Variants in CRNKL1 observed in about 807,000 individuals in gnomAD.
The protein encoded by CRNKL1 is crooked neck pre-mRNA splicing factor 1.
In CRNKL1, 35 loss-of-function variants were observed where a neutral mutation model predicts 103.7. That is an observed-to-expected ratio of 0.34 (90% CI 0.26 to 0.45). CRNKL1 has a LOEUF of 0.45. Among genes scored for constraint, CRNKL1 ranks in the 20% least tolerant of loss-of-function variants. The probability of loss-of-function intolerance (pLI) is 1.00; values close to 1 mark genes in which losing one functional copy is unlikely to be tolerated. For missense variants in CRNKL1, 645 were observed against 836.0 expected (o/e 0.77, Z 2.82); for synonymous variants, 267 against 282.6 (o/e 0.94, Z 0.55).
chr20:20,038,373 C>T lies in CRNKL1; in HGVS notation c.1623G>A (p.Leu541=). The change falls in exon 12 of 14, where the codon TTG becomes TTA. Residue 541 remains leucine (L), a synonymous_variant. Coordinates refer to ENST00000536226, the MANE Select transcript of CRNKL1 (RefSeq NM_001278628.2). ...CCTTGACATGCTGCGTCCGTTGAAG[C>T]AACCGCCGGTAAAGGTTTCGTGTTC... The part of the protein sequence containing the change: ...TERTRNLYRR[L]LQRTQHVKVW... 1 of 1,551,788 alleles carries T rather than the reference C, an allele frequency of 6.4e-7. No individual in the cohort carries two copies. The highest frequency in any genetic ancestry group is 1.4e-5 in the African/African-American group (1 of 73,160).
intron 12 of CRNKL1, among the ~76,000 whole-genome samples, chr20:20,037,982 G>C (rs563294508): frequency 6.6e-6 from 1 of 151,958 alleles, no homozygotes; most frequent in South Asian, 2.1e-4. Context: ...AGCTACTCTG[G>C]AGGCTGAGGC....
intron 5 of CRNKL1, among the ~76,000 whole-genome samples, chr20:20,046,674 C>A (rs1024254205): frequency 1.3e-5 from 2 of 152,208 alleles, no homozygotes; most frequent in Non-Finnish European, 2.9e-5. Context: ...AGTGACTGGA[C>A]TGAGGCTGCC....
At chr20:20,036,900 A>G (rs1002061187) in intron 13 of CRNKL1, among the ~76,000 whole-genome samples, 1 of 152,184 alleles carries the variant, frequency 6.6e-6, no homozygotes, top group African/African-American at 2.4e-5. Context: ...TGAGTCTGCC[A>G]GGATGAGAGG....
Position 20,041,625 on chromosome 20 carries a change from C to A in CRNKL1, c.1165G>T (p.Asp389Tyr), listed in dbSNP as rs141858369. ...YALYEELEAK[D>Y]PERTRQVYQA... ...TACACCTGTCTTGTCCTCTCAGGATCCTGTATTAGGATAAGAAATTTTCAC... is the reference window on the plus strand; with the variant it reads ...TACACCTGTCTTGTCCTCTCAGGATACTGTATTAGGATAAGAAATTTTCAC... The change falls in exon 9 of 14, where the codon GAT (aspartate) becomes TAT (tyrosine). Residue 389 changes from aspartate to tyrosine, a missense_variant and splice_region_variant. By Grantham distance (160) the Asp-to-Tyr change is radical (BLOSUM62 -3). This residue lies in a region of CRNKL1 where 582 missense variants were observed against 707.7 expected (regional missense o/e 0.82). Coordinates refer to ENST00000536226, the MANE Select transcript of CRNKL1 (RefSeq NM_001278628.2). The A allele has an allele frequency of 1.1e-5, 18 of 1,610,902 alleles. No homozygotes were observed. In the Admixed American group the frequency reaches 1.5e-4, roughly 13 times the overall value.
At chr20:20,054,414 T>TACACACACACAC (rs371567134), upstream of CRNKL1, among the ~76,000 whole-genome samples, 10 of 151,478 alleles carry the variant, frequency 6.6e-5, no homozygotes, top group African/African-American at 1.9e-4. Flanking sequence ...TATATATATA[T>TACACACACACAC]ACACACACAC....
chr20:20,036,024 A>C lies in CRNKL1; in HGVS notation c.*171T>G. 1.5e-6 allele frequency: 1 copy of C among 663,462 alleles called. No homozygotes were observed. The highest frequency in any genetic ancestry group is 2.5e-5 in the South Asian group (1 of 39,688). The allele number at this position is 663,462 out of a possible 1,614,324, so 41.1% of individuals were successfully genotyped here. A position where few individuals can be genotyped will look rare whatever the true frequency, so the allele number is the denominator to read the frequency against. ...GCAGTTAAAAAAGTCCTTTACTTGCAATCCCTACCCCTAGCTAACCCAAGA... is the reference window on the plus strand; with the variant it reads ...GCAGTTAAAAAAGTCCTTTACTTGCCATCCCTACCCCTAGCTAACCCAAGA... On this transcript the variant is annotated 3_prime_UTR_variant, in exon 14 of 14. Transcript: ENST00000536226.
At chr20:20,037,745 G>T (rs925524859) in intron 12 of CRNKL1, among the ~76,000 whole-genome samples, 174 bp from the exon 13 acceptor site, 1 of 152,150 alleles carries the variant, frequency 6.6e-6, no homozygotes, top group Admixed American at 6.5e-5. Context: ...GAAAATATTT[G>T]ATTCTACATT....
At chr20:20,054,708 C>G (rs1053268212), upstream of CRNKL1, among the ~76,000 whole-genome samples, 1 of 152,136 alleles carries the variant, frequency 6.6e-6, no homozygotes, top group Non-Finnish European at 1.5e-5. Flanking sequence ...TTGCTAACCC[C>G]CGTGCTACTG....
chr20:20,048,732 C>T (rs2043634306), intron 3 of CRNKL1, among the ~76,000 whole-genome samples: 1 of 152,040 alleles, frequency 6.6e-6, no homozygotes, highest in Admixed American at 6.5e-5. Flanking sequence ...AAGATCTGCA[C>T]GGGAAACAGA....
intron 8 of CRNKL1, 64 bp downstream of exon 8, chr20:20,042,261 G>A (rs373311614): frequency 7.3e-7 from 1 of 1,377,402 alleles, no homozygotes; most frequent in South Asian, 1.5e-5. Context: ...ATCCACAATA[G>A]GTGAGCTGTG....
chr20:20,040,803 G>T, intron 9 of CRNKL1, 37 bp from the exon 10 acceptor site: 3 of 1,360,592 alleles, frequency 2.2e-6, no homozygotes, highest in Non-Finnish European at 3.1e-6. Context: ...TAGCTTAAAA[G>T]CCTCATCCAA....
Position 20,047,782 on chromosome 20 carries a change from CG to C in CRNKL1, c.604del (p.Arg202AlafsTer72). The C allele has an allele frequency of 4.3e-6, 7 of 1,614,132 alleles. No homozygotes were observed. The highest frequency in any genetic ancestry group is 5.9e-6 in the Non-Finnish European group (7 of 1,180,004). The stretch of plus-strand genomic sequence containing the variant: ...AAGGATATATCGCTCATAAATGGTG[CG>C]GGCCCGATCCACCTCTTTGTATCTC... ...ELRYKEVDRA[R>X]TIYERFVLVH... is the part of the protein sequence containing the mutation. On this transcript the variant is annotated frameshift_variant, in exon 5 of 14. Coordinates refer to ENST00000536226, the MANE Select transcript of CRNKL1 (RefSeq NM_001278628.2). LOFTEE classifies it high-confidence loss of function.
upstream of CRNKL1, among the ~76,000 whole-genome samples, chr20:20,055,272 C>A (rs544632443): frequency 1.3e-5 from 2 of 152,102 alleles, no homozygotes; most frequent in Admixed American, 1.3e-4. Flanking sequence ...TTGGTGACTC[C>A]CATAATACAC....
upstream of CRNKL1, chr20:20,052,716 T>G (rs2043833370): frequency 1.2e-6 from 2 of 1,608,568 alleles, no homozygotes; most frequent in Non-Finnish European, 1.7e-6. Flanking sequence ...TGTCGAGCCG[T>G]GGCGCCCTGC....
At position 20,035,782 on chromosome 20, in the gene CRNKL1, A is replaced by ATTAAG. The variant is rs2043410058; in HGVS notation, c.*408_*412dup. The ATTAAG allele has an allele frequency of 6.4e-6, 1 of 156,336 alleles. No homozygotes were observed. The highest frequency in any genetic ancestry group is 1.4e-5 in the Non-Finnish European group (1 of 70,728). 9.7% of individuals were successfully genotyped at this position (156,336 alleles called of 1,614,324 possible). A position where few individuals can be genotyped will look rare whatever the true frequency, so the allele number is the denominator to read the frequency against. On this transcript the variant is annotated 3_prime_UTR_variant, in exon 14 of 14. Coordinates refer to ENST00000536226, the MANE Select transcript of CRNKL1 (RefSeq NM_001278628.2). ...CATTTTGTGAATGAGGAAAATGAAAATTAAGTTATATAATCATGAGTGGCA... is the reference window on the plus strand; with the variant it reads ...CATTTTGTGAATGAGGAAAATGAAAATTAAGTTAAGTTATATAATCATGAGTGGCA...
rs1484301072 is a variant in CRNKL1, at chr20:20,040,777, A to G, written c.1225-11T>C. The G allele has an allele frequency of 1.3e-6, 2 of 1,580,140 alleles. No individual in the cohort carries two copies. The highest frequency in any genetic ancestry group is 1.7e-6 in the Non-Finnish European group (2 of 1,156,366). On this transcript the variant is annotated splice_polypyrimidine_tract_variant and intron_variant, in intron 9 of 13. Transcript: ENST00000536226. Reference sequence around the variant, plus strand: ...TTTGGCAAATGTGAACTAGAAAACAAAAGCACAAAAATATCTAGCTTAAAA... The same window carrying G: ...TTTGGCAAATGTGAACTAGAAAACAGAAGCACAAAAATATCTAGCTTAAAA...
intron 1 of CRNKL1, among the ~76,000 whole-genome samples, chr20:20,051,546 T>A (rs1232756837): frequency 6.6e-6 from 1 of 152,216 alleles, no homozygotes; most frequent in African/African-American, 2.4e-5. Flanking sequence ...TAATAAGCAC[T>A]AAGTGCCAGA....
intron 8 of CRNKL1, 99 bp from the exon 9 acceptor site, chr20:20,041,724 C>T: frequency 1.2e-6 from 1 of 819,998 alleles, no homozygotes; most frequent in Non-Finnish European, 2.0e-6. Flanking sequence ...AAATGTACAC[C>T]CCCAAAACAG....
In CRNKL1 at chr20:20,036,323, G is replaced by T. The variant is rs747819386; in HGVS notation, c.1936C>A (p.Pro646Thr). The change falls in exon 14 of 14, where the codon CCA becomes ACA. Residue 646 changes from proline to threonine, a missense_variant. Transcript: ENST00000536226. ...TTAGGTTGGTTGGCAGCATCTTCTG[G>T]AAAGATGTAATCAAAGTATTCTTCC... Reference protein sequence around the residue: ...GWEEYFDYIFPEDAANQPNLK... With the variant: ...GWEEYFDYIFTEDAANQPNLK... 1.9e-6 allele frequency: 3 copies of T among 1,613,962 alleles called. No individual in the cohort carries two copies. In the Admixed American group the frequency reaches 5.0e-5, roughly 27 times the overall value.
Sources: allele counts gnomAD v4.1 joint callset (sites outside exome capture counted in the v4.1 genomes callset), GRCh38; gene constraint gnomAD v4.1.1; regional missense constraint gnomAD v4.1.1; transcripts MANE v1.5; gene names NCBI Gene and HGNC (gene_info 2026-07-23, HGNC 2026-07-21).